RASSF3: variants seen among roughly 807,000 people sequenced by gnomAD.
The protein encoded by RASSF3 is Ras association domain family member 3, also known as ras association domain-containing protein 3.
In RASSF3, 19 loss-of-function variants were observed where a neutral mutation model predicts 19.9. The ratio of observed to expected loss-of-function variants is 0.96; its 90% confidence interval spans 0.67 to 1.40. The LOEUF (loss-of-function observed/expected upper bound fraction) is 1.40, where lower values mean the gene tolerates loss of function less well. Ranked by LOEUF, RASSF3 falls within the 40% of genes most tolerant of loss-of-function variation. The probability of loss-of-function intolerance (pLI) is 0.00; values close to 1 mark genes in which losing one functional copy is unlikely to be tolerated. For missense variants in RASSF3, 306 were observed against 289.8 expected (o/e 1.06, Z -0.41); for synonymous variants, 110 against 104.2 (o/e 1.06, Z -0.34).
intron 1 of RASSF3, among the ~76,000 whole-genome samples, chr12:64,653,890 G>A (rs1872053484): frequency 6.6e-6 from 1 of 152,140 alleles, no homozygotes; most frequent in Admixed American, 6.5e-5. Context: ...TATCTAGAGA[G>A]CACTGCCTGC....
chr12:64,629,704 C>T (rs1871109067), intron 1 of RASSF3, among the ~76,000 whole-genome samples: 1 of 151,832 alleles, frequency 6.6e-6, no homozygotes, highest in South Asian at 2.1e-4. Flanking sequence ...GTGGCTCATG[C>T]CTGTAATCCC....
At chr12:64,673,805 T>G (rs1872783880) in intron 1 of RASSF3, among the ~76,000 whole-genome samples, 1 of 151,804 alleles carries the variant, frequency 6.6e-6, no homozygotes, top group Non-Finnish European at 1.5e-5. Flanking sequence ...TGAGAACACA[T>G]CAGACTGGGA....
intron 2 of RASSF3, among the ~76,000 whole-genome samples, chr12:64,583,843 C>G (rs1869744930): frequency 6.6e-6 from 1 of 152,202 alleles, no homozygotes; most frequent in Non-Finnish European, 1.5e-5. Flanking sequence ...TTAAAGTTCA[C>G]TGACAAGATC....
intron 3 of RASSF3, among the ~76,000 whole-genome samples, chr12:64,689,912 C>T (rs369740246): frequency 2.0e-5 from 3 of 150,280 alleles, no homozygotes; most frequent in African/African-American, 4.9e-5. Flanking sequence ...CTCAGCCTCC[C>T]GAGTAGCTGG....
chr12:64,648,748 T>C (rs1017155033), intron 1 of RASSF3, among the ~76,000 whole-genome samples: 3 of 151,388 alleles, frequency 2.0e-5, no homozygotes, highest in African/African-American at 7.3e-5. Flanking sequence ...CCCAAAGTGC[T>C]GGGATTACAA....
chr12:64,682,282 G>T (rs924173072), intron 1 of RASSF3, among the ~76,000 whole-genome samples: 1 of 152,082 alleles, frequency 6.6e-6, no homozygotes, highest in Non-Finnish European at 1.5e-5. Flanking sequence ...ACGGAGATAG[G>T]CCGGGCGCCA....
At chr12:64,580,161 T>C (rs1325375575) in intron 2 of RASSF3, among the ~76,000 whole-genome samples, 3 of 152,050 alleles carry the variant, frequency 2.0e-5, no homozygotes, top group Admixed American at 2.0e-4. Context: ...TTAGGTCCCA[T>C]AGAATCACAA....
rs377031177 is a variant in RASSF3, at chr12:64,631,045, C to T, written c.111+20302C>T. The stretch of plus-strand genomic sequence containing the variant: ...GGTCTGCAGAGAGAGCTTCAGGATT[C>T]GTTGAAGTCATGGGCTTAGATGAAC... On this transcript the variant is annotated intron_variant, in intron 1 of 4. Transcript: ENST00000542104. Among the ~76,000 whole-genome samples the T allele has an allele frequency of 1.6e-4, 25 of 152,132 alleles. No individual in the cohort carries two copies. The East Asian group carries it at 3.1e-3, about 19-fold the overall frequency.
At chr12:64,596,120 C>T (rs139458218) in intron 2 of RASSF3, among the ~76,000 whole-genome samples, 9 of 152,348 alleles carry the variant, frequency 5.9e-5, no homozygotes, top group Non-Finnish European at 8.8e-5. Context: ...TTTCCCCACT[C>T]AGTCTACTAG....
intron 1 of RASSF3, among the ~76,000 whole-genome samples, chr12:64,612,432 G>C (rs1401546240): frequency 6.6e-6 from 1 of 151,434 alleles, no homozygotes; most frequent in African/African-American, 2.4e-5. Flanking sequence ...GTGCTTTAAA[G>C]AGTAAAGACA....
chr12:64,581,121 AAGAG>A (rs933066354), intron 2 of RASSF3, among the ~76,000 whole-genome samples: 45 of 151,326 alleles, frequency 3.0e-4, no homozygotes, highest in Non-Finnish European at 5.3e-4. Context: ...AAAAAAAAAA[AAGAG>A]AGAGAGAGAG....
In RASSF3 at chr12:64,610,618, G is replaced by T. The variant is rs1225081903; in HGVS notation, c.-15G>T. 3 of 1,494,372 alleles carry T rather than the reference G, an allele frequency of 2.0e-6. No individual in the cohort carries two copies. Among genetic ancestry groups the T allele is most frequent in the Non-Finnish European group, 2.7e-6 (3 of 1,117,818 alleles). The allele number at this position is 1,494,372 out of a possible 1,614,324, so 92.6% of individuals were successfully genotyped here. ...CGCCCCGGGGAGGCCGCCCGCGCGC[G>T]ACGGGACCGGCAGCATGAGCAGCGG... On this transcript the variant is annotated 5_prime_UTR_variant, in exon 1 of 5. Transcript: ENST00000542104.
intron 1 of RASSF3, among the ~76,000 whole-genome samples, chr12:64,677,554 C>T (rs543325971): frequency 1.3e-5 from 2 of 152,268 alleles, no homozygotes; most frequent in East Asian, 1.9e-4. Flanking sequence ...GGATTATAGG[C>T]GTGAGACACC....
At chr12:64,548,098 G>C (rs1869100016) in intron 2 of RASSF3, among the ~76,000 whole-genome samples, 1 of 152,098 alleles carries the variant, frequency 6.6e-6, no homozygotes, top group African/African-American at 2.4e-5. Context: ...CTCTGAAAAA[G>C]TGAGCTCTAA....
At chr12:64,517,713 G>A (rs961615671) in intron 1 of RASSF3, among the ~76,000 whole-genome samples, 33 of 151,736 alleles carry the variant, frequency 2.2e-4, no homozygotes, top group African/African-American at 8.0e-4. Context: ...CAACCTCCTG[G>A]GCTCAAGCGA....
chr12:64,540,314 G>T (rs1868914509), intron 1 of RASSF3, among the ~76,000 whole-genome samples: 1 of 152,128 alleles, frequency 6.6e-6, no homozygotes, highest in Non-Finnish European at 1.5e-5. Flanking sequence ...AATTGTGGCA[G>T]CTCTTATTTA....
intron 2 of RASSF3, among the ~76,000 whole-genome samples, chr12:64,599,917 A>G (rs2136144931): frequency 6.6e-6 from 1 of 151,718 alleles, no homozygotes; most frequent in South Asian, 2.1e-4. Context: ...CTGTAGTCCC[A>G]GCTCCTCGGG....
intron 1 of RASSF3, among the ~76,000 whole-genome samples, chr12:64,676,677 G>A (rs1286821846): frequency 2.6e-5 from 4 of 151,744 alleles, no homozygotes; most frequent in Non-Finnish European, 5.9e-5. Flanking sequence ...CACCATGTTG[G>A]CCACGCTGGT....
At chr12:64,610,241 GC>G (rs528995323), upstream of RASSF3, among the ~76,000 whole-genome samples, 1,217 of 152,234 alleles carry the variant, frequency 8.0e-3, 10 homozygotes, top group Non-Finnish European at 0.013. Context: ...CCCGAGCACA[GC>G]CCCAGCAGAC....
Sources: allele counts gnomAD v4.1 joint callset (sites outside exome capture counted in the v4.1 genomes callset), GRCh38; gene constraint gnomAD v4.1.1; transcripts MANE v1.5; gene names NCBI Gene and HGNC (gene_info 2026-07-23, HGNC 2026-07-21).